The following ARHGEF18 variants were observed in gnomAD, a reference collection of about 807,000 sequenced individuals.
ARHGEF18 encodes rho guanine nucleotide exchange factor 18.
A neutral mutation model predicts 155.7 loss-of-function variants in ARHGEF18; 93 were observed. The observed-to-expected ratio is 0.60, with a 90% CI of 0.50 to 0.71. The LOEUF is 0.71. ARHGEF18 is among the 30% of genes least tolerant of loss of function. The pLI is 0.00. For synonymous variants in ARHGEF18, 742 were observed against 753.1 expected, an observed-to-expected ratio of 0.99 and a Z score of 0.24; for missense variants, 1,593 against 1,816.1, an observed-to-expected ratio of 0.88 and a Z score of 2.23.
intron 1 of ARHGEF18, 81 bp from the exon 2 acceptor site, chr19:7,362,700 G>C: frequency 8.3e-7 from 1 of 1,201,328 alleles, no homozygotes; most frequent in Non-Finnish European, 1.0e-6. Flanking sequence ...AGGGTGACCA[G>C]CAACAGATGC....
chr19:7,453,040 AC>A (rs779381773), intron 16 of ARHGEF18, among the ~76,000 whole-genome samples: 51 of 151,942 alleles, frequency 3.4e-4, no homozygotes, highest in Non-Finnish European at 5.3e-4. Context: ...TACTAAAAAT[AC>A]CAAAAAAAAT....
Position 7,451,282 on chromosome 19 carries a change from A to C in ARHGEF18, c.1855+16A>C. The stretch of plus-strand genomic sequence containing the variant: ...AACACGGAAGGTAGGCCTTCTCCCC[A>C]CTGCCCCGCCCGCCCGTGCTGCTGC... On this transcript the variant is annotated intron_variant, in intron 16 of 28. Coordinates refer to ENST00000668164, the MANE Select transcript of ARHGEF18 (RefSeq NM_001367823.1). 1 of 1,609,280 alleles carries C rather than the reference A, an allele frequency of 6.2e-7. No individual in the cohort carries two copies. Among genetic ancestry groups the C allele is most frequent in the Non-Finnish European group, 8.5e-7 (1 of 1,177,120 alleles).
chr19:7,434,072 A>T (rs1974122224), intron 10 of ARHGEF18, among the ~76,000 whole-genome samples: 1 of 151,784 alleles, frequency 6.6e-6, no homozygotes, highest in South Asian at 2.1e-4. Context: ...GTCCCAGTAA[A>T]GTAATGCAGG....
intron 14 of ARHGEF18, among the ~76,000 whole-genome samples, chr19:7,445,955 T>C (rs1974963306): frequency 6.6e-6 from 1 of 152,088 alleles, no homozygotes; most frequent in Admixed American, 6.6e-5. Context: ...TTGGCTGAAA[T>C]TTACTTTTTT....
Position 7,444,443 on chromosome 19 carries a change from C to G in ARHGEF18, c.1600C>G (p.Leu534Val). The G allele has an allele frequency of 1.2e-6, 2 of 1,613,586 alleles. No individual in the cohort carries two copies. Among genetic ancestry groups the G allele is most frequent in the Non-Finnish European group, 8.5e-7 (1 of 1,179,934 alleles). ...NYVIQKIGDL[L>V]VQQFSGENGE... ...TGTCATCCAGAAAATCGGCGACCTC[C>G]TGGTTCAGCAGGTGGGTGCAGCCGT... Residue 534 changes from leucine to valine, a missense_variant, in exon 14 of 29, where the codon CTG (leucine) becomes GTG (valine). Leu to Val is a conservative substitution (Grantham distance 32, BLOSUM62 1). Coordinates refer to ENST00000668164, the MANE Select transcript of ARHGEF18 (RefSeq NM_001367823.1). This position sits in a 1 kb window ranked among gnomAD's most constrained non-coding sequence, Gnocchi z 4.7.
intron 1 of ARHGEF18, among the ~76,000 whole-genome samples, chr19:7,350,600 G>T (rs1969129514): frequency 6.6e-6 from 1 of 152,142 alleles, no homozygotes; most frequent in African/African-American, 2.4e-5. Context: ...AAAGGGATGG[G>T]CATATGTTGA....
chr19:7,462,228 G>A lies in ARHGEF18; in HGVS notation c.2529G>A (p.Glu843=), dbSNP rs1272816343. ...EKQQIYLEMA[E]MGGLEDLPQP... Reference sequence around the variant, plus strand: ...AGCAGATCTACCTGGAGATGGCCGAGATGGGCGGCCTCGAAGACCTGCCCC... The same window carrying A: ...AGCAGATCTACCTGGAGATGGCCGAAATGGGCGGCCTCGAAGACCTGCCCC... The change falls in exon 21 of 29, where the codon GAG becomes GAA. Residue 843 remains glutamate, a synonymous_variant. Transcript: ENST00000668164. This position sits in a 1 kb window ranked among gnomAD's most constrained non-coding sequence, Gnocchi z 4.4. 1 of 1,613,994 alleles carries A rather than the reference G, an allele frequency of 6.2e-7. No individual in the cohort carries two copies. Among genetic ancestry groups the A allele is most frequent in the Admixed American group, 1.7e-5 (1 of 60,022 alleles).
At chr19:7,473,627 A>T (rs561445579), downstream of ARHGEF18, among the ~76,000 whole-genome samples, 41 of 152,024 alleles carry the variant, frequency 2.7e-4, no homozygotes, top group East Asian at 4.7e-3. Context: ...CTGGCTAACA[A>T]GGTGAAACCC....
intron 1 of ARHGEF18, among the ~76,000 whole-genome samples, chr19:7,350,259 C>T (rs1275102358): frequency 2.0e-5 from 3 of 152,106 alleles, no homozygotes; most frequent in Non-Finnish European, 4.4e-5. Context: ...GCCCCAGAAC[C>T]AGGAGGGAGT....
chr19:7,462,150 AGAGCGGTT>A lies in ARHGEF18; in HGVS notation c.2456_2463del (p.Arg819HisfsTer90), dbSNP rs1568361499. On this transcript the variant is annotated splice_acceptor_variant and coding_sequence_variant, in exon 21 of 29. Transcript: ENST00000668164. LOFTEE classifies it high-confidence loss of function. This position sits in a 1 kb window ranked among gnomAD's most constrained non-coding sequence, Gnocchi z 4.4. Reference sequence around the variant, plus strand: ...ACTGCCACCTCCACCATCACTCTGCAGAGCGGTTGAGCATGAAAGACCAGCTGATCGCA... The same window carrying A: ...ACTGCCACCTCCACCATCACTCTGCAGAGCATGAAAGACCAGCTGATCGCA... 1 of 1,613,810 alleles carries A rather than the reference AGAGCGGTT, an allele frequency of 6.2e-7. No homozygotes were observed. Among genetic ancestry groups the A allele is most frequent in the South Asian group, 1.1e-5 (1 of 91,090 alleles).
In ARHGEF18 at chr19:7,440,006, A is replaced by G; in HGVS notation, c.968-338A>G. The G allele has an allele frequency of 1.9e-6, 3 of 1,550,302 alleles. No homozygotes were observed. Among genetic ancestry groups the G allele is most frequent in the South Asian group, 1.2e-5 (1 of 83,974 alleles). ...CTGCTTCAGCCAATACAGCAAGGGA[A>G]GACGCAGCTCTGTTTTCTAGAAGGA... On this transcript the variant is annotated intron_variant, in intron 10 of 28. Coordinates refer to ENST00000668164, the MANE Select transcript of ARHGEF18 (RefSeq NM_001367823.1). This position sits in a 1 kb window ranked among gnomAD's most constrained non-coding sequence, Gnocchi z 5.4.
intron 10 of ARHGEF18, among the ~76,000 whole-genome samples, chr19:7,416,608 T>TG (rs1973036582): frequency 6.9e-6 from 1 of 144,568 alleles, no homozygotes; most frequent in African/African-American, 2.6e-5. Context: ...TATTTGGGTT[T>TG]TTTTTTTTTT....
chr19:7,458,725 G>A (rs1335432738), intron 19 of ARHGEF18, 35 bp downstream of exon 19: 2 of 1,581,654 alleles, frequency 1.3e-6, no homozygotes, highest in Admixed American at 3.5e-5. Context: ...CACCCACTGT[G>A]TTCCTTCCGC....
At chr19:7,400,283 G>C (rs1971966068) in intron 10 of ARHGEF18, among the ~76,000 whole-genome samples, 1 of 152,044 alleles carries the variant, frequency 6.6e-6, no homozygotes, top group Non-Finnish European at 1.5e-5. Flanking sequence ...TATTCACAGA[G>C]TTAAGCAACA....
intron 10 of ARHGEF18, chr19:7,439,634 C>T: frequency 1.8e-6 from 2 of 1,091,602 alleles, no homozygotes; most frequent in African/African-American, 1.6e-5. Context: ...ATCGGAGCCT[C>T]GCGTCCACTT....
At chr19:7,385,177 C>T (rs1053703374) in intron 10 of ARHGEF18, among the ~76,000 whole-genome samples, 1 of 152,154 alleles carries the variant, frequency 6.6e-6, no homozygotes, top group African/African-American at 2.4e-5. Context: ...AGAGTAAAGC[C>T]AGAGGTCTAG....
At chr19:7,378,962 G>A (rs1474148178) in intron 6 of ARHGEF18, among the ~76,000 whole-genome samples, 160 bp from the exon 7 acceptor site, 1 of 151,988 alleles carries the variant, frequency 6.6e-6, no homozygotes, top group Non-Finnish European at 1.5e-5. Flanking sequence ...CAAAGTACTG[G>A]GATTACAGGC....
chr19:7,457,353 C>CTTTTTTTTTTTT lies in ARHGEF18; in HGVS notation c.2181+966_2181+977dup, dbSNP rs1159186670. 2.2e-4 allele frequency among the ~76,000 whole-genome samples: 13 copies of CTTTTTTTTTTTT among 60,218 alleles called. 1 individual carries two copies. Among genetic ancestry groups the CTTTTTTTTTTTT allele is most frequent in the African/African-American group, 1.1e-3 (13 of 12,322 alleles). 39.5% of individuals were successfully genotyped at this position (60,218 alleles called of 152,430 possible). A position where few individuals can be genotyped will look rare whatever the true frequency, so the allele number is the denominator to read the frequency against. On this transcript the variant is annotated intron_variant, in intron 18 of 28. Transcript: ENST00000668164. ...ATCTCATTTTGCCATAATCACCTCTCTTTTTTTTTTTTTTTTTTTTTTTTT... is the reference window on the plus strand; with the variant it reads ...ATCTCATTTTGCCATAATCACCTCTCTTTTTTTTTTTTTTTTTTTTTTTTTTTTTTTTTTTTT...
intron 4 of ARHGEF18, 135 bp downstream of exon 4, chr19:7,376,005 T>A: frequency 9.8e-7 from 1 of 1,025,482 alleles, no homozygotes; most frequent in Non-Finnish European, 1.2e-6. Context: ...TGCTTATCTG[T>A]GGTGTGGCCC....
Sources: allele counts gnomAD v4.1 joint callset (sites outside exome capture counted in the v4.1 genomes callset), GRCh38; gene constraint gnomAD v4.1.1; non-coding constraint Gnocchi (gnomAD v3.1); transcripts MANE v1.5; gene names NCBI Gene and HGNC (gene_info 2026-07-23, HGNC 2026-07-21).